ST3GAL1: variants seen among roughly 807,000 people sequenced by gnomAD.
The protein encoded by ST3GAL1 is ST3 beta-galactoside alpha-2,3-sialyltransferase 1, also known as CMP-N-acetylneuraminate-beta-galactosamide-alpha-2,3-sialyltransferase 1.
In ST3GAL1, 16 loss-of-function variants were observed where a neutral mutation model predicts 34.1. That is an observed-to-expected ratio of 0.47 (90% CI 0.32 to 0.71). The LOEUF is 0.71. ST3GAL1 is among the 30% of genes least tolerant of loss of function. The pLI, the probability that ST3GAL1 is intolerant of heterozygous loss-of-function variation, is 0.04. For synonymous variants in ST3GAL1, 191 were observed against 184.7 expected, an observed-to-expected ratio of 1.03 and a Z score of -0.28; for missense variants, 353 against 447.4, an observed-to-expected ratio of 0.79 and a Z score of 1.90.
At chr8:133,545,282 C>T (rs1649280814) in intron 2 of ST3GAL1, among the ~76,000 whole-genome samples, 1 of 152,256 alleles carries the variant, frequency 6.6e-6, no homozygotes, top group Non-Finnish European at 1.5e-5. Context: ...AACTGGGCTG[C>T]TGCAGTGTGA....
intron 3 of ST3GAL1, among the ~76,000 whole-genome samples, chr8:133,485,414 G>A (rs968142841): frequency 6.6e-6 from 1 of 152,162 alleles, no homozygotes; most frequent in Non-Finnish European, 1.5e-5. Flanking sequence ...CTGAAGCTTC[G>A]TGGCCTGTGG....
Position 133,469,860 on chromosome 8 carries a change from G to A in ST3GAL1, c.307-3770C>T, listed in dbSNP as rs1815882993. Among the ~76,000 whole-genome samples, 2 of 152,136 alleles carry A rather than the reference G, an allele frequency of 1.3e-5. No individual in the cohort carries two copies. The highest frequency in any genetic ancestry group is 4.8e-5 in the African/African-American group (2 of 41,428). On this transcript the variant is annotated intron_variant, in intron 5 of 9. Coordinates refer to ENST00000522652, the MANE Select transcript of ST3GAL1 (RefSeq NM_173344.3). The surrounding 1 kb of genome is among the most constrained non-coding windows in gnomAD (Gnocchi z 4.3). Reference sequence around the variant, plus strand: ...CCTCACCTAACATCACAAGCCCCACGCTTCAGAAATCTCAGACCCATTCCA... The same window carrying A: ...CCTCACCTAACATCACAAGCCCCACACTTCAGAAATCTCAGACCCATTCCA...
rs375039706 is a variant in ST3GAL1, at chr8:133,466,010, G to A, written c.387C>T (p.Asp129=). Residue 129 remains aspartate (D), a synonymous_variant, in exon 6 of 10, where the codon GAC becomes GAT. Transcript: ENST00000522652. This position sits in a 1 kb window ranked among gnomAD's most constrained non-coding sequence, Gnocchi z 4.4. ...ELFRVVPGNV[D]PMLEKRSVGC... is the part of the protein sequence containing the mutation. ...CCACCGACCTCTTCTCCAGCATAGG[G>A]TCCACATTCCCAGGCACCACTCTGA... 46 of 1,614,080 alleles carry A rather than the reference G, an allele frequency of 2.8e-5. No individual in the cohort carries two copies. The highest frequency in any genetic ancestry group is 4.0e-5 in the African/African-American group (3 of 74,928).
At chr8:133,521,039 G>T (rs1586637696) in intron 2 of ST3GAL1, among the ~76,000 whole-genome samples, 1 of 119,084 alleles carries the variant, frequency 8.4e-6, no homozygotes, top group Non-Finnish European at 1.7e-5. Context: ...TGCAACCTCC[G>T]CTTCCTGGGT....
At chr8:133,540,880 G>T (rs7814221) in intron 2 of ST3GAL1, among the ~76,000 whole-genome samples, 26 of 45,060 alleles carry the variant, frequency 5.8e-4, no homozygotes, top group African/African-American at 1.8e-3. Flanking sequence ...CATATATATA[G>T]AGACATATAT....
At chr8:133,565,821 C>T (rs900248197) in intron 1 of ST3GAL1, among the ~76,000 whole-genome samples, 1 of 152,142 alleles carries the variant, frequency 6.6e-6, no homozygotes, top group Non-Finnish European at 1.5e-5. Flanking sequence ...GTCCCCGGCC[C>T]GGAGCAGATG....
At chr8:133,472,458 T>C (rs1816005004) in intron 5 of ST3GAL1, among the ~76,000 whole-genome samples, 1 of 152,142 alleles carries the variant, frequency 6.6e-6, no homozygotes, top group African/African-American at 2.4e-5. Flanking sequence ...AAGATGAGAT[T>C]TGGGTGAAAG....
At chr8:133,507,817 G>A (rs76498813) in intron 2 of ST3GAL1, among the ~76,000 whole-genome samples, 2,876 of 152,214 alleles carry the variant, frequency 0.019, 134 homozygotes, top group East Asian at 0.18. Flanking sequence ...CCTTAGCTGG[G>A]GTCAGGCTAC....
In ST3GAL1 at chr8:133,508,216, C is replaced by T. The variant is rs1193445917; in HGVS notation, c.-428-9027G>A. ...CCTGGAGTCTGATTCAAACACCAAA[C>T]TACCTGGACTCCAGAGTCCAGAACA... is the stretch of plus-strand genomic sequence containing the variant. On this transcript the variant is annotated intron_variant, in intron 2 of 9. Coordinates refer to ENST00000522652, the MANE Select transcript of ST3GAL1 (RefSeq NM_173344.3). The surrounding 1 kb of genome is among the most constrained non-coding windows in gnomAD (Gnocchi z 4.1). Among the ~76,000 whole-genome samples the T allele has an allele frequency of 6.6e-6, 1 of 152,242 alleles. No individual in the cohort carries two copies.
intron 2 of ST3GAL1, among the ~76,000 whole-genome samples, chr8:133,520,773 G>GTTTTTT (rs34241731): frequency 7.6e-6 from 1 of 130,880 alleles, no homozygotes; most frequent in Admixed American, 7.8e-5. Context: ...TTTTTTGTGG[G>GTTTTTT]TTTTTTTTTT....
At chr8:133,488,407 G>A (rs992370074) in intron 3 of ST3GAL1, 1 of 152,210 alleles carries the variant, frequency 6.6e-6, no homozygotes, top group Non-Finnish European at 1.5e-5. Context: ...CATCCAATAG[G>A]TTGAAGGCCT....
At chr8:133,569,601 G>A (rs1819505695) in intron 1 of ST3GAL1, among the ~76,000 whole-genome samples, 1 of 152,188 alleles carries the variant, frequency 6.6e-6, no homozygotes, top group Non-Finnish European at 1.5e-5. Context: ...GGCAGAGGCT[G>A]AGGGGCACGG....
chr8:133,566,298 A>G (rs1366666600), intron 1 of ST3GAL1, among the ~76,000 whole-genome samples: 1 of 152,150 alleles, frequency 6.6e-6, no homozygotes, highest in Non-Finnish European at 1.5e-5. Flanking sequence ...TTCACAAACC[A>G]TTTTACCTTA....
At chr8:133,548,507 T>C (rs1227968773) in intron 1 of ST3GAL1, among the ~76,000 whole-genome samples, 1 of 152,214 alleles carries the variant, frequency 6.6e-6, no homozygotes, top group Non-Finnish European at 1.5e-5. Flanking sequence ...CTGCCCTACA[T>C]ACCACTGTGC....
intron 2 of ST3GAL1, among the ~76,000 whole-genome samples, chr8:133,519,931 A>G (rs1817753262): frequency 6.6e-6 from 1 of 152,212 alleles, no homozygotes; most frequent in African/African-American, 2.4e-5. Flanking sequence ...GCCTGAGTGA[A>G]AGAGTGAGAC....
chr8:133,567,167 G>A (rs181761041), intron 1 of ST3GAL1: 11 of 152,204 alleles, frequency 7.2e-5, no homozygotes, highest in African/African-American at 2.6e-4. Flanking sequence ...TCCCTTCTCC[G>A]TTCCCATTTT....
chr8:133,513,968 GCAA>G (rs1219453502), intron 2 of ST3GAL1, among the ~76,000 whole-genome samples: 1 of 151,956 alleles, frequency 6.6e-6, no homozygotes, highest in African/African-American at 2.4e-5. Flanking sequence ...GAATGACAGT[GCAA>G]ACTAAATGGC....
rs776771486 is a variant in ST3GAL1, at chr8:133,556,218, A to G, written c.-581-10292T>C. 6.6e-6 allele frequency among the ~76,000 whole-genome samples: 1 copy of G among 151,510 alleles called. No individual in the cohort carries two copies. The highest frequency in any genetic ancestry group is 2.1e-4 in the South Asian group (1 of 4,788). ...GCTTGTTTTTTCTTTTTGAATCTCC[A>G]CTCTCACCCAGGAAGATGAGTTGGT... is the stretch of plus-strand genomic sequence containing the variant. On this transcript the variant is annotated intron_variant, in intron 1 of 9. Transcript: ENST00000522652. The surrounding 1 kb of genome is among the most constrained non-coding windows in gnomAD (Gnocchi z 8.9).
At chr8:133,498,195 A>T (rs1035699392) in intron 3 of ST3GAL1, among the ~76,000 whole-genome samples, 1 of 152,244 alleles carries the variant, frequency 6.6e-6, no homozygotes, top group African/African-American at 2.4e-5. Context: ...GCCAGAAGGC[A>T]GGCAGTTCAT....
Sources: allele counts gnomAD v4.1 joint callset (sites outside exome capture counted in the v4.1 genomes callset), GRCh38; gene constraint gnomAD v4.1.1; non-coding constraint Gnocchi (gnomAD v3.1); transcripts MANE v1.5; gene names NCBI Gene and HGNC (gene_info 2026-07-23, HGNC 2026-07-21).